The following CEP112 variants were observed in gnomAD, a reference collection of about 807,000 sequenced individuals.
CEP112 encodes the protein centrosomal protein of 112 kDa.
In CEP112, 127 loss-of-function variants were observed where a neutral mutation model predicts 153.0. That is an observed-to-expected ratio of 0.83 (90% confidence interval 0.72 to 0.96). CEP112 has a LOEUF of 0.96. Ranked by LOEUF, CEP112 falls within the 40% of genes least tolerant of loss-of-function variation. CEP112 has a pLI of 0.00. For synonymous variants in CEP112, 358 were observed against 374.4 expected, an observed-to-expected ratio of 0.96 and a Z score of 0.51; for missense variants, 1,089 against 1,101.2, an observed-to-expected ratio of 0.99 and a Z score of 0.16.
chr17:66,172,890 C>T (rs750802912), intron 4 of CEP112, among the ~76,000 whole-genome samples: 6 of 152,082 alleles, frequency 3.9e-5, no homozygotes, highest in Non-Finnish European at 8.8e-5. Context: ...TAAGGATATC[C>T]TTCACTTCTA....
intron 11 of CEP112, among the ~76,000 whole-genome samples, chr17:66,058,636 G>A (rs2066801207): frequency 6.6e-6 from 1 of 152,090 alleles, no homozygotes; most frequent in Non-Finnish European, 1.5e-5. Flanking sequence ...GATCGCTTGA[G>A]GTCAGGAGTT....
In CEP112 at chr17:66,181,117, C is replaced by A. The variant is rs556596474; in HGVS notation, c.106+2077G>T. Among the ~76,000 whole-genome samples, 15 of 152,186 alleles carry A rather than the reference C, an allele frequency of 9.9e-5. No individual in the cohort carries two copies. The East Asian group carries it at 2.5e-3, about 25-fold the overall frequency. ...ATATTCTAATGTCCAGAATTTAGTA[C>A]AATTTGGTTAATGAAAGCATTCCTC... is the stretch of plus-strand genomic sequence containing the variant. On this transcript the variant is annotated intron_variant, in intron 2 of 26. Coordinates refer to ENST00000535342, the MANE Select transcript of CEP112 (RefSeq NM_001199165.4).
intron 4 of CEP112, among the ~76,000 whole-genome samples, chr17:66,160,160 G>C (rs1483526792): frequency 2.0e-5 from 3 of 152,044 alleles, no homozygotes; most frequent in Admixed American, 1.3e-4. Context: ...TCTTCAAGGA[G>C]AACTACAAAC....
At chr17:65,764,590 CT>C (rs2052828522) in intron 21 of CEP112, among the ~76,000 whole-genome samples, 1 of 150,588 alleles carries the variant, frequency 6.6e-6, no homozygotes, top group African/African-American at 2.5e-5. Context: ...CACTTCTGTT[CT>C]CTTTTTTTTT....
At chr17:65,993,207 C>T (rs559642902) in intron 17 of CEP112, among the ~76,000 whole-genome samples, 1 of 152,246 alleles carries the variant, frequency 6.6e-6, no homozygotes, top group African/African-American at 2.4e-5. Flanking sequence ...TTTTCTGTTC[C>T]TGCATTAGTT....
chr17:66,027,633 AAATC>A (rs1462970616), intron 15 of CEP112, 73 bp from the exon 16 acceptor site: 5 of 1,001,952 alleles, frequency 5.0e-6, no homozygotes, highest in Non-Finnish European at 6.7e-6. Context: ...CAACCTAATT[AAATC>A]AATCAATCTA....
rs9898195 is a variant in CEP112 at position 65,843,352 on chromosome 17, G to A, written c.2394+8452C>T. On this transcript the variant is annotated intron_variant, in intron 21 of 26. Coordinates refer to ENST00000535342, the MANE Select transcript of CEP112 (RefSeq NM_001199165.4). ...TTGTGGAACATAATAAAAAATATAC[G>A]GGATATTGTTGGCCAATCAATTTTA... Among the ~76,000 whole-genome samples, 1,032 of 152,078 alleles carry A rather than the reference G, an allele frequency of 6.8e-3. 12 individuals carry two copies. Among genetic ancestry groups the A allele is most frequent in the African/African-American group, 0.024 (975 of 41,474 alleles).
At chr17:65,702,208 C>A (rs2048677792) in intron 23 of CEP112, among the ~76,000 whole-genome samples, 2 of 152,092 alleles carry the variant, frequency 1.3e-5, no homozygotes, top group South Asian at 4.1e-4. Flanking sequence ...CACTCTACGT[C>A]CTGATTTCTG....
At chr17:65,719,824 G>A (rs1243037420) in intron 23 of CEP112, among the ~76,000 whole-genome samples, 2 of 152,204 alleles carry the variant, frequency 1.3e-5, no homozygotes, top group Non-Finnish European at 2.9e-5. Flanking sequence ...AGACAGAGAG[G>A]ACTGGGGCAG....
chr17:65,964,572 T>C (rs2062339672), intron 17 of CEP112, among the ~76,000 whole-genome samples: 1 of 152,178 alleles, frequency 6.6e-6, no homozygotes, highest in Non-Finnish European at 1.5e-5. Flanking sequence ...GGTACCATGG[T>C]CTAGACCTGG....
intron 1 of CEP112, among the ~76,000 whole-genome samples, chr17:66,190,653 G>C (rs911329619): frequency 3.9e-5 from 6 of 152,126 alleles, no homozygotes; most frequent in Non-Finnish European, 7.3e-5. Context: ...GAAGTAAATT[G>C]GGTGACTCTT....
At chr17:66,111,716 G>A (rs935140849) in intron 6 of CEP112, among the ~76,000 whole-genome samples, 1 of 152,136 alleles carries the variant, frequency 6.6e-6, no homozygotes, top group African/African-American at 2.4e-5. Flanking sequence ...TGAGAGGGGA[G>A]GGTGGGAGGA....
intron 17 of CEP112, among the ~76,000 whole-genome samples, chr17:65,972,569 G>A (rs528167534): frequency 6.6e-6 from 1 of 152,108 alleles, no homozygotes; most frequent in East Asian, 1.9e-4. Flanking sequence ...AGAACATTAG[G>A]CAAAAATCAG....
chr17:65,650,891 C>G (rs1055054523), intron 24 of CEP112, among the ~76,000 whole-genome samples: 1 of 151,632 alleles, frequency 6.6e-6, no homozygotes, highest in African/African-American at 2.4e-5. Context: ...TTCTCTCTCT[C>G]GCTCTCTTTT....
At position 65,858,661 on chromosome 17, in the gene CEP112, C is replaced by T. The variant is rs1175043266; in HGVS notation, c.2164-6627G>A. On this transcript the variant is annotated intron_variant, in intron 20 of 26. Coordinates refer to ENST00000535342, the MANE Select transcript of CEP112 (RefSeq NM_001199165.4). ...TCCTACCAGAAATTGCTTCATTTTT[C>T]TAACTTCTTAAGCTGGTTGCCTACT... 2.0e-5 allele frequency among the ~76,000 whole-genome samples: 3 copies of T among 152,188 alleles called. No homozygotes were observed. The East Asian group carries it at 5.8e-4, about 29-fold the overall frequency.
At chr17:66,030,372 G>T (rs1427206239) in intron 12 of CEP112, among the ~76,000 whole-genome samples, 2 of 152,056 alleles carry the variant, frequency 1.3e-5, no homozygotes, top group Admixed American at 1.3e-4. Context: ...TATACGTACG[G>T]CCATTAGCTG....
chr17:65,703,383 T>C (rs1053741235), intron 23 of CEP112, among the ~76,000 whole-genome samples: 2 of 151,894 alleles, frequency 1.3e-5, no homozygotes, highest in Non-Finnish European at 2.9e-5. Context: ...TGGTTGCAGG[T>C]GCCTATAATC....
At chr17:65,777,890 C>T (rs1269036231) in intron 21 of CEP112, among the ~76,000 whole-genome samples, 1 of 152,156 alleles carries the variant, frequency 6.6e-6, no homozygotes, top group African/African-American at 2.4e-5. Flanking sequence ...CATTCTGCCC[C>T]ACCAATAGGC....
intron 8 of CEP112, among the ~76,000 whole-genome samples, chr17:66,088,678 C>CT (rs2068029723): frequency 1.3e-5 from 2 of 152,208 alleles, no homozygotes; most frequent in South Asian, 4.1e-4. Context: ...ATATTAACCC[C>CT]TGTGGTCCCA....
Sources: gnomAD v4.1 joint callset for allele counts (sites outside exome capture counted in the v4.1 genomes callset) on GRCh38, gnomAD v4.1.1 for gene constraint, MANE v1.5 for transcripts, NCBI Gene and HGNC (gene_info 2026-07-23, HGNC 2026-07-21) for gene names.